OSBPL8: variants seen among roughly 807,000 people sequenced by gnomAD.
OSBPL8 encodes oxysterol binding protein like 8.
Under a neutral mutation model 125.5 loss-of-function variants are expected in OSBPL8, and 59 were observed. The ratio of observed to expected loss-of-function variants is 0.47; its 90% confidence interval spans 0.38 to 0.58. OSBPL8 has a LOEUF of 0.58. Among genes scored for constraint, OSBPL8 ranks in the 20% least tolerant of loss-of-function variants. The pLI, the probability that OSBPL8 is intolerant of heterozygous loss-of-function variation, is 0.00. For missense variants in OSBPL8, 758 were observed against 1,047.8 expected, an observed-to-expected ratio of 0.72 and a Z score of 3.82; for synonymous variants, 330 against 338.9, an observed-to-expected ratio of 0.97 and a Z score of 0.29.
intron 10 of OSBPL8, among the ~76,000 whole-genome samples, chr12:76,391,399 C>A (rs1036113722): frequency 2.6e-5 from 4 of 152,156 alleles, no homozygotes; most frequent in Non-Finnish European, 5.9e-5. Flanking sequence ...ACCCATTCCT[C>A]TATCAGTAGC....
chr12:76,478,526 G>A (rs74103476), intron 2 of OSBPL8, among the ~76,000 whole-genome samples: 55 of 151,802 alleles, frequency 3.6e-4, no homozygotes, highest in Middle Eastern at 3.4e-3. Context: ...AAAAGCTAAC[G>A]CTTTCTCCAA....
intron 20 of OSBPL8, 22 bp downstream of exon 20, chr12:76,369,614 AT>A (rs1251309793): frequency 9.4e-6 from 15 of 1,598,560 alleles, no homozygotes; most frequent in Non-Finnish European, 1.2e-5. Flanking sequence ...ATTGTTTGAA[AT>A]AAACTATTTT....
At chr12:76,414,450 G>GTTT (rs35085467) in intron 4 of OSBPL8, among the ~76,000 whole-genome samples, 2 of 120,490 alleles carry the variant, frequency 1.7e-5, no homozygotes, top group Admixed American at 8.7e-5. Flanking sequence ...TATTTTTCTG[G>GTTT]TTTTTTTTTT....
At chr12:76,366,104 T>A (rs1952404180) in intron 21 of OSBPL8, among the ~76,000 whole-genome samples, 1 of 152,248 alleles carries the variant, frequency 6.6e-6, no homozygotes, top group South Asian at 2.1e-4. Context: ...CCTCAGAGAA[T>A]AAGTTAGGAA....
At chr12:76,422,608 C>G in intron 4 of OSBPL8, 1 of 456,482 alleles carries the variant, frequency 2.2e-6, no homozygotes, top group Non-Finnish European at 4.4e-6. Flanking sequence ...CAGGCAAAAC[C>G]CCAGTACAGG....
At chr12:76,544,099 G>T (rs1950717685) in intron 1 of OSBPL8, among the ~76,000 whole-genome samples, 2 of 152,086 alleles carry the variant, frequency 1.3e-5, no homozygotes, top group Non-Finnish European at 2.9e-5. Flanking sequence ...TACAAATAAA[G>T]GTCATCTCCA....
rs187290225 is a variant in OSBPL8 at position 76,450,449 on chromosome 12, G to A, written c.217+402C>T. ...TGTTACTTACATTAACATGTAATGG[G>A]TTTATTACTTTAAATGAATTAAATT... On this transcript the variant is annotated intron_variant, in intron 4 of 23. Transcript: ENST00000261183. 2.6e-4 allele frequency among the ~76,000 whole-genome samples: 39 copies of A among 152,034 alleles called. No individual in the cohort carries two copies. The East Asian group carries it at 7.3e-3, about 29-fold the overall frequency.
At chr12:76,394,584 G>T in intron 9 of OSBPL8, 61 bp downstream of exon 9, 1 of 1,116,460 alleles carries the variant, frequency 9.0e-7, no homozygotes, top group Non-Finnish European at 1.3e-6. Flanking sequence ...AATACAAAGT[G>T]GCATTAAAAA....
chr12:76,363,906 AT>A (rs1270674795), intron 21 of OSBPL8, among the ~76,000 whole-genome samples: 1 of 152,168 alleles, frequency 6.6e-6, no homozygotes, highest in Non-Finnish European at 1.5e-5. Flanking sequence ...ATGAAAAAAA[AT>A]AATCACTGGT....
intron 1 of OSBPL8, among the ~76,000 whole-genome samples, chr12:76,557,215 T>A (rs1951132323): frequency 6.6e-6 from 1 of 152,258 alleles, no homozygotes; most frequent in African/African-American, 2.4e-5. Context: ...ATCAATTCTT[T>A]GTCTTTAATG....
intron 4 of OSBPL8, 70 bp from the exon 5 acceptor site, chr12:76,410,704 T>A: frequency 1.9e-6 from 2 of 1,062,280 alleles, no homozygotes; most frequent in Non-Finnish European, 2.9e-6. Context: ...CATTTTCAAG[T>A]ATAGACTATA....
intron 5 of OSBPL8, among the ~76,000 whole-genome samples, chr12:76,404,767 A>G (rs1954188537): frequency 6.6e-6 from 1 of 152,184 alleles, no homozygotes; most frequent in African/African-American, 2.4e-5. Flanking sequence ...TTAATTGACT[A>G]TGTTATCAGT....
rs564936252 is a variant in OSBPL8, at chr12:76,448,194, CAAACA to C, written c.217+2652_217+2656del. Among the ~76,000 whole-genome samples, 817 of 152,120 alleles carry C rather than the reference CAAACA, an allele frequency of 5.4e-3. 7 individuals carry two copies. Among genetic ancestry groups the C allele is most frequent in the African/African-American group, 0.019 (778 of 41,494 alleles). On this transcript the variant is annotated intron_variant, in intron 4 of 23. Coordinates refer to ENST00000261183, the MANE Select transcript of OSBPL8 (RefSeq NM_020841.5). Reference sequence around the variant, plus strand: ...CACGCTGTACCCTAAATAAATGAAACAAACAAAACAAAAGGTTAATAACTCCTTAC... The same window carrying C: ...CACGCTGTACCCTAAATAAATGAAACAAACAAAAGGTTAATAACTCCTTAC...
intron 21 of OSBPL8, among the ~76,000 whole-genome samples, chr12:76,360,436 T>C (rs963290935): frequency 6.6e-6 from 1 of 152,330 alleles, no homozygotes; most frequent in Non-Finnish European, 1.5e-5. Flanking sequence ...GCTGCTTTCA[T>C]GGGCTGGCGC....
chr12:76,534,585 A>AG (rs1452423507), intron 1 of OSBPL8, among the ~76,000 whole-genome samples: 1 of 152,206 alleles, frequency 6.6e-6, no homozygotes, highest in Non-Finnish European at 1.5e-5. Flanking sequence ...AATAACAAGC[A>AG]GGAAGTCCCT....
intron 1 of OSBPL8, among the ~76,000 whole-genome samples, chr12:76,557,375 G>C (rs930215179): frequency 1.4e-4 from 21 of 152,216 alleles, no homozygotes; most frequent in African/African-American, 4.1e-4. Flanking sequence ...CCAGCACTTT[G>C]GGAGGCTGAG....
intron 4 of OSBPL8, among the ~76,000 whole-genome samples, chr12:76,412,594 CAAT>C (rs1868273995): frequency 6.6e-6 from 1 of 151,974 alleles, no homozygotes; most frequent in South Asian, 2.1e-4. Context: ...CTAATTAACA[CAAT>C]AATATTAATA....
intron 4 of OSBPL8, among the ~76,000 whole-genome samples, chr12:76,441,627 A>T (rs551757964): frequency 3.3e-5 from 5 of 152,276 alleles, no homozygotes; most frequent in Admixed American, 3.3e-4. Flanking sequence ...AAACGAGTAC[A>T]GGTAATAGTT....
At chr12:76,517,770 G>C (rs1216068470) in intron 1 of OSBPL8, among the ~76,000 whole-genome samples, 1 of 152,136 alleles carries the variant, frequency 6.6e-6, no homozygotes, top group Non-Finnish European at 1.5e-5. Context: ...AGCAAAGTGG[G>C]AATGGGCGCA....
Sources: allele counts gnomAD v4.1 joint callset (sites outside exome capture counted in the v4.1 genomes callset), GRCh38; gene constraint gnomAD v4.1.1; transcripts MANE v1.5; gene names NCBI Gene and HGNC (gene_info 2026-07-23, HGNC 2026-07-21).